TNFSF4: variants seen among roughly 807,000 people sequenced by gnomAD.
TNFSF4 encodes the protein tumor necrosis factor ligand superfamily member 4.
TNFSF4 carries 4 observed loss-of-function variants against 7.3 expected under a neutral mutation model. That is an observed-to-expected ratio of 0.55 (90% CI 0.27 to 1.25). The LOEUF is 1.25. TNFSF4 is among the 50% of genes most tolerant of loss of function. The pLI is 0.12. For missense variants in TNFSF4, 181 were observed against 208.8 expected (o/e 0.87, Z 0.82); for synonymous variants, 76 against 83.7 (o/e 0.91, Z 0.50).
At chr1:173,447,547 T>C in the TNFSF4 span, among the ~76,000 whole-genome samples, 1 of 152,160 alleles carries the variant, frequency 6.6e-6, no homozygotes, top group African/African-American at 2.4e-5. Context: ...AACCCACAAC[T>C]GCTCTAAAAA....
the TNFSF4 span, among the ~76,000 whole-genome samples, chr1:173,417,501 C>T: frequency 0.14 from 12,795 of 94,386 alleles, 1,815 homozygotes; most frequent in African/African-American, 0.35. Flanking sequence ...TAATAAACCA[C>T]GTGGAAGCGT....
At chr1:173,363,285 C>T in the TNFSF4 span, 1 of 302,978 alleles carries the variant, frequency 3.3e-6, no homozygotes, top group East Asian at 9.7e-5. Context: ...TTTCTGCATG[C>T]TTTATCATAT....
the TNFSF4 span, among the ~76,000 whole-genome samples, chr1:173,391,450 A>C: frequency 7.0e-5 from 9 of 128,818 alleles, no homozygotes; most frequent in East Asian, 3.6e-4. Context: ...AAAAAAAAAA[A>C]AAAAAAAAAA....
chr1:173,222,826 G>A, the TNFSF4 span, among the ~76,000 whole-genome samples: 1 of 152,220 alleles, frequency 6.6e-6, no homozygotes, highest in Non-Finnish European at 1.5e-5. Context: ...ATCAGAGGAA[G>A]TGGGGTAAAA....
At chr1:173,258,182 G>A in the TNFSF4 span, among the ~76,000 whole-genome samples, 10 of 152,144 alleles carry the variant, frequency 6.6e-5, no homozygotes, top group African/African-American at 2.4e-4. Flanking sequence ...AAGCAGGATT[G>A]GGGAGGGGCT....
the TNFSF4 span, among the ~76,000 whole-genome samples, chr1:173,232,419 G>A: frequency 6.6e-6 from 1 of 152,134 alleles, no homozygotes; most frequent in Non-Finnish European, 1.5e-5. Context: ...TGCAAACAGG[G>A]ACAATTTGAC....
At chr1:173,422,593 G>T in the TNFSF4 span, among the ~76,000 whole-genome samples, 1 of 152,278 alleles carries the variant, frequency 6.6e-6, no homozygotes, top group African/African-American at 2.4e-5. Flanking sequence ...GACCTCAGCT[G>T]ACTCTTACTG....
chr1:173,321,480 G>A, the TNFSF4 span, among the ~76,000 whole-genome samples: 6 of 152,238 alleles, frequency 3.9e-5, no homozygotes, highest in African/African-American at 1.4e-4. Flanking sequence ...TGACAAATGG[G>A]ATCTAATTAA....
At chr1:173,286,284 A>G in the TNFSF4 span, among the ~76,000 whole-genome samples, 1 of 152,214 alleles carries the variant, frequency 6.6e-6, no homozygotes, top group Non-Finnish European at 1.5e-5. Context: ...TAGAAATGTA[A>G]GAGACCTAGA....
chr1:173,363,080 G>T, the TNFSF4 span: 1 of 349,374 alleles, frequency 2.9e-6, no homozygotes, highest in Non-Finnish European at 5.7e-6. Context: ...GTTTGTACAT[G>T]TTTCCTTTCC....
chr1:173,215,340 G>C, the TNFSF4 span, among the ~76,000 whole-genome samples: 1 of 152,030 alleles, frequency 6.6e-6, no homozygotes, highest in Non-Finnish European at 1.5e-5. Context: ...AGACTAAGAT[G>C]GCTGGAAATT....
the TNFSF4 span, among the ~76,000 whole-genome samples, chr1:173,450,505 G>C: frequency 1.3e-5 from 2 of 151,382 alleles, no homozygotes; most frequent in Non-Finnish European, 3.0e-5. Context: ...TAAGAGCACA[G>C]ACACAAAAAT....
At chr1:173,392,861 T>G in the TNFSF4 span, among the ~76,000 whole-genome samples, 1 of 152,146 alleles carries the variant, frequency 6.6e-6, no homozygotes, top group African/African-American at 2.4e-5. Context: ...CACTGATGAA[T>G]TGCCATTACA....
chr1:173,433,293 T>C, the TNFSF4 span, among the ~76,000 whole-genome samples: 3 of 152,196 alleles, frequency 2.0e-5, no homozygotes, highest in African/African-American at 4.8e-5. Flanking sequence ...GCTCTTAATC[T>C]GAAATTTACT....
chr1:173,305,577 T>C, the TNFSF4 span, among the ~76,000 whole-genome samples: 1 of 151,842 alleles, frequency 6.6e-6, no homozygotes, highest in African/African-American at 2.4e-5. Flanking sequence ...GGAATCACTC[T>C]TACTTTTTAT....
intron 2 of TNFSF4, 88 bp from the exon 3 acceptor site, chr1:173,186,953 G>T: frequency 3.4e-6 from 3 of 883,062 alleles, no homozygotes; most frequent in Non-Finnish European, 5.2e-6. Flanking sequence ...ATCAGATGAA[G>T]AGAAAGTGAT....
chr1:173,406,219 G>T, the TNFSF4 span, among the ~76,000 whole-genome samples: 4 of 152,076 alleles, frequency 2.6e-5, no homozygotes, highest in Non-Finnish European at 4.4e-5. Flanking sequence ...ATAAATATTT[G>T]AATCAACAAA....
At chr1:173,307,236 G>T in the TNFSF4 span, among the ~76,000 whole-genome samples, 1 of 151,758 alleles carries the variant, frequency 6.6e-6, no homozygotes, top group Non-Finnish European at 1.5e-5. Context: ...ATCTATTTAT[G>T]CCAGGTCCTT....
chr1:173,328,941 T>C, the TNFSF4 span, among the ~76,000 whole-genome samples: 5 of 152,344 alleles, frequency 3.3e-5, no homozygotes, highest in African/African-American at 1.2e-4. Context: ...CCATTTTAAG[T>C]AAGGATTATG....
Sources: allele counts gnomAD v4.1 joint callset (sites outside exome capture counted in the v4.1 genomes callset), GRCh38; gene constraint gnomAD v4.1.1; transcripts MANE v1.5; gene names NCBI Gene and HGNC (gene_info 2026-07-23, HGNC 2026-07-21).